Variants in RHOA observed in about 807,000 individuals in gnomAD.
RHOA encodes the protein ras homolog family member A.
RHOA carries 3 observed loss-of-function variants against 17.5 expected under a neutral mutation model. The observed-to-expected ratio is 0.17, with a 90% CI of 0.08 to 0.44. RHOA has a LOEUF of 0.44. RHOA is among the 20% of genes least tolerant of loss of function. The pLI, the probability that RHOA is intolerant of heterozygous loss-of-function variation, is 0.99. For missense variants in RHOA, 56 were observed against 242.3 expected (o/e 0.23, Z 5.10); for synonymous variants, 98 against 88.4 (o/e 1.11, Z -0.61).
At chr3:49,384,392 G>C (rs1451845375) in intron 1 of RHOA, among the ~76,000 whole-genome samples, 1 of 152,130 alleles carries the variant, frequency 6.6e-6, no homozygotes, top group Non-Finnish European at 1.5e-5. Context: ...TTCCAGGCTA[G>C]GTTTAGTCTC....
At chr3:49,400,381 C>T (rs183859327) in intron 1 of RHOA, among the ~76,000 whole-genome samples, 104 of 152,092 alleles carry the variant, frequency 6.8e-4, no homozygotes, top group African/African-American at 2.5e-3. Context: ...TCCCACTACT[C>T]ATAACATTTC....
chr3:49,401,536 C>T (rs528935450), intron 1 of RHOA, among the ~76,000 whole-genome samples: 10 of 133,422 alleles, frequency 7.5e-5, no homozygotes, highest in African/African-American at 2.6e-4. Flanking sequence ...CCAGCCTGGG[C>T]GACAAGAATG....
chr3:49,360,319 C>CCG lies in RHOA; in HGVS notation c.471_472insCG (p.Glu158ArgfsTer11). On this transcript the variant is annotated frameshift_variant, in exon 5 of 5. Coordinates refer to ENST00000418115, the MANE Select transcript of RHOA (RefSeq NM_001664.4). LOFTEE classifies it high-confidence loss of function. ...CCATCTTTGGTCTTTGCTGAACACT[C>CCG]CATGTACCCAAAAGCGCCAATCCTG... is the stretch of plus-strand genomic sequence containing the variant. The CCG allele has an allele frequency of 6.2e-7, 1 of 1,614,128 alleles. No homozygotes were observed. The highest frequency in any genetic ancestry group is 1.6e-4 in the Middle Eastern group (1 of 6,062).
rs202045861 is a variant in RHOA, at chr3:49,404,949, A to T, written c.-3+6871T>A. Among the ~76,000 whole-genome samples, 194 of 146,710 alleles carry T rather than the reference A, an allele frequency of 1.3e-3. 1 individual carries two copies. Among genetic ancestry groups the T allele is most frequent in the East Asian group, 4.9e-3 (24 of 4,898 alleles). On this transcript the variant is annotated intron_variant, in intron 1 of 4. Transcript: ENST00000418115. ...GCGAGACTCTTGTCTCCAAAAAAAA[A>T]AATAATAAAAAAAGTAGGCCAGGCG... is the stretch of plus-strand genomic sequence containing the variant.
At chr3:49,368,649 G>GA in intron 2 of RHOA, 101 bp from the exon 3 acceptor site, 1 of 1,206,306 alleles carries the variant, frequency 8.3e-7, no homozygotes, top group Non-Finnish European at 1.2e-6. Context: ...GCAGACCATT[G>GA]AAATGGCAGA....
chr3:49,396,522 C>T (rs1381678701), intron 1 of RHOA, among the ~76,000 whole-genome samples: 1 of 152,104 alleles, frequency 6.6e-6, no homozygotes, highest in Non-Finnish European at 1.5e-5. Context: ...GCCTGGCCAA[C>T]ATAGTGAAAC....
intron 3 of RHOA, among the ~76,000 whole-genome samples, chr3:49,362,960 G>A (rs2047994504): frequency 6.6e-6 from 1 of 152,162 alleles, no homozygotes; most frequent in Non-Finnish European, 1.5e-5. Flanking sequence ...GCACTTTACA[G>A]GACATCTGTC....
At position 49,359,621 on chromosome 3, in the gene RHOA, G is replaced by T; in HGVS notation, c.*588C>A. 1 of 208,578 alleles carries T rather than the reference G, an allele frequency of 4.8e-6. No homozygotes were observed. The highest frequency in any genetic ancestry group is 9.8e-6 in the Non-Finnish European group (1 of 102,328). 12.9% of individuals were successfully genotyped at this position (208,578 alleles called of 1,614,324 possible). A position where few individuals can be genotyped will look rare whatever the true frequency, so the allele number is the denominator to read the frequency against. ...AAAATACTACATCTAGTCTGGGGTA[G>T]ATATATTTATTTTTGGTAACATACA... On this transcript the variant is annotated 3_prime_UTR_variant, in exon 5 of 5. Coordinates refer to ENST00000418115, the MANE Select transcript of RHOA (RefSeq NM_001664.4).
intron 1 of RHOA, among the ~76,000 whole-genome samples, chr3:49,404,015 G>A (rs2048770352): frequency 6.8e-6 from 1 of 146,458 alleles, no homozygotes; most frequent in African/African-American, 2.5e-5. Flanking sequence ...GAAAGTTGAA[G>A]ATAGCTGGAC....
At chr3:49,393,161 A>T (rs574505309) in intron 1 of RHOA, among the ~76,000 whole-genome samples, 1 of 151,992 alleles carries the variant, frequency 6.6e-6, no homozygotes. Context: ...ACAGAGCAAG[A>T]CTCTGTCTCA....
In RHOA at chr3:49,405,830, A is replaced by G. The variant is rs534319238; in HGVS notation, c.-3+5990T>C. On this transcript the variant is annotated intron_variant, in intron 1 of 4. Coordinates refer to ENST00000418115, the MANE Select transcript of RHOA (RefSeq NM_001664.4). Reference sequence around the variant, plus strand: ...CTTCCGAGTAGCTGGGATTACAGGCACTCACTAATACACTCGGCTGATTTT... The same window carrying G: ...CTTCCGAGTAGCTGGGATTACAGGCGCTCACTAATACACTCGGCTGATTTT... Among the ~76,000 whole-genome samples the G allele has an allele frequency of 1.3e-3, 193 of 152,184 alleles. 1 individual carries two copies. The highest frequency in any genetic ancestry group is 4.2e-3 in the African/African-American group (175 of 41,550).
At position 49,368,408 on chromosome 3, in the gene RHOA, C is replaced by T. The variant is rs780541432; in HGVS notation, c.277+20G>A. 1 of 1,603,286 alleles carries T rather than the reference C, an allele frequency of 6.2e-7. No individual in the cohort carries two copies. Among genetic ancestry groups the T allele is most frequent in the Non-Finnish European group, 8.5e-7 (1 of 1,171,964 alleles). ...TAGCTACACAGGCAGTGACAAATAT[C>T]AGGGTGCAGGGCCACTCACCTAAAC... On this transcript the variant is annotated intron_variant, in intron 3 of 4. Transcript: ENST00000418115.
rs1316621759 is a variant in RHOA at position 49,398,588 on chromosome 3, C to T, written c.-3+13232G>A. On this transcript the variant is annotated intron_variant, in intron 1 of 4. Coordinates refer to ENST00000418115, the MANE Select transcript of RHOA (RefSeq NM_001664.4). ...CCTGTAATCCCAGCACTTTGGGAGGCCAAGGCGGGTGGATCACGAGGTCAG... is the reference window on the plus strand; with the variant it reads ...CCTGTAATCCCAGCACTTTGGGAGGTCAAGGCGGGTGGATCACGAGGTCAG... 3.3e-5 allele frequency among the ~76,000 whole-genome samples: 5 copies of T among 151,310 alleles called. No individual in the cohort carries two copies. In the East Asian group the frequency reaches 9.8e-4, roughly 30 times the overall value.
intron 2 of RHOA, 107 bp from the exon 3 acceptor site, chr3:49,368,655 G>T: frequency 1.7e-6 from 2 of 1,211,728 alleles, no homozygotes; most frequent in Non-Finnish European, 2.4e-6. Flanking sequence ...CATTGAAATG[G>T]CAGACGGTCT....
At chr3:49,371,392 G>T (rs2048145682) in intron 2 of RHOA, among the ~76,000 whole-genome samples, 1 of 151,202 alleles carries the variant, frequency 6.6e-6, no homozygotes, top group South Asian at 2.1e-4. Context: ...TGATTCTCCT[G>T]CCTCAGCCTC....
At chr3:49,387,170 C>T (rs1185624459) in intron 1 of RHOA, among the ~76,000 whole-genome samples, 1 of 135,724 alleles carries the variant, frequency 7.4e-6, no homozygotes, top group Non-Finnish European at 1.6e-5. Flanking sequence ...ACAGGCCGGG[C>T]GTGGTGGCTC....
chr3:49,393,873 C>G (rs2048567349), intron 1 of RHOA, among the ~76,000 whole-genome samples: 1 of 148,438 alleles, frequency 6.7e-6, no homozygotes, highest in Non-Finnish European at 1.5e-5. Context: ...CTACGCCTGG[C>G]TAATTTTTTT....
At chr3:49,385,613 A>C (rs1157963722) in intron 1 of RHOA, among the ~76,000 whole-genome samples, 1 of 151,692 alleles carries the variant, frequency 6.6e-6, no homozygotes, top group African/African-American at 2.4e-5. Context: ...AAATTTATCT[A>C]TTTTTCCCTT....
chr3:49,379,193 A>C (rs2048278947), intron 1 of RHOA, among the ~76,000 whole-genome samples: 1 of 152,186 alleles, frequency 6.6e-6, no homozygotes, highest in Non-Finnish European at 1.5e-5. Context: ...ATGGAATATT[A>C]TTCAGCGATA....
Sources: gnomAD v4.1 joint callset for allele counts (sites outside exome capture counted in the v4.1 genomes callset) on GRCh38, gnomAD v4.1.1 for gene constraint, MANE v1.5 for transcripts, NCBI Gene and HGNC (gene_info 2026-07-23, HGNC 2026-07-21) for gene names.